USP42: variants seen among roughly 807,000 people sequenced by gnomAD.
USP42 encodes the protein ubiquitin specific peptidase 42.
A neutral mutation model predicts 113.0 loss-of-function variants in USP42; 23 were observed. The ratio of observed to expected loss-of-function variants is 0.20; its 90% CI spans 0.15 to 0.29. The LOEUF is 0.29. USP42 is among the 10% of genes least tolerant of loss of function. The probability of loss-of-function intolerance (pLI) is 1.00; values close to 1 mark genes in which losing one functional copy is unlikely to be tolerated. For synonymous variants in USP42, 933 were observed against 699.0 expected (o/e 1.33, Z -5.28); for missense variants, 2,174 against 1,779.8 (o/e 1.22, Z -3.99).
chr7:6,142,530 T>A (rs1281414013), intron 7 of USP42, among the ~76,000 whole-genome samples: 11 of 152,142 alleles, frequency 7.2e-5, no homozygotes, highest in African/African-American at 2.4e-4. Flanking sequence ...AATTTTCTTT[T>A]TACATAAAAA....
chr7:6,113,703 C>G (rs1003798195), intron 2 of USP42, among the ~76,000 whole-genome samples: 2 of 151,866 alleles, frequency 1.3e-5, no homozygotes, highest in African/African-American at 2.4e-5. Flanking sequence ...CTCACTGCAA[C>G]CTCCGCCTCC....
chr7:6,153,923 C>T lies in USP42; in HGVS notation c.2369C>T (p.Ala790Val), dbSNP rs566295240. The change falls in exon 15 of 18, where the codon GCC becomes GTC. Residue 790 changes from alanine (A) to valine (V), a missense_variant. Ala to Val is a moderately conservative substitution (Grantham distance 64). Transcript: ENST00000306177. ...GGCACCCCCGCTACCAAAGAAGGCG[C>T]CTGGGAGGCCATGGCCGTCGCCCCC... is the stretch of plus-strand genomic sequence containing the variant. Reference protein sequence around the residue: ...DPGTPATKEGAWEAMAVAPEE... With the variant: ...DPGTPATKEGVWEAMAVAPEE... 3.1e-6 allele frequency: 5 copies of T among 1,600,968 alleles called. No individual in the cohort carries two copies. Among genetic ancestry groups the T allele is most frequent in the Non-Finnish European group, 4.3e-6 (5 of 1,176,104 alleles).
intron 9 of USP42, among the ~76,000 whole-genome samples, chr7:6,144,922 TG>T (rs1781627346): frequency 6.6e-6 from 1 of 151,964 alleles, no homozygotes; most frequent in Non-Finnish European, 1.5e-5. Context: ...TGTCCTTTGA[TG>T]GGTTTGAAGA....
intron 2 of USP42, among the ~76,000 whole-genome samples, chr7:6,112,699 G>A (rs1416707872): frequency 6.6e-6 from 1 of 151,960 alleles, no homozygotes; most frequent in South Asian, 2.1e-4. Flanking sequence ...ACACAAATCC[G>A]TAAACTTTCT....
Position 6,159,058 on chromosome 7 carries a change from CCG to C in USP42, c.3944-390_3944-389del, listed in dbSNP as rs1782623459. Among the ~76,000 whole-genome samples the C allele has an allele frequency of 1.3e-5, 2 of 152,184 alleles. No individual in the cohort carries two copies. Among genetic ancestry groups the C allele is most frequent in the Non-Finnish European group, 2.9e-5 (2 of 68,030 alleles). On this transcript the variant is annotated intron_variant, in intron 16 of 17. Transcript: ENST00000306177. The surrounding 1 kb of genome is among the most constrained non-coding windows in gnomAD (Gnocchi z 4.1). Reference sequence around the variant, plus strand: ...AGCCTTTCTTGTCCTTCTGAGAAGGCCGCTGCCCGGCCCCGCCTCACCCAGCG... The same window carrying C: ...AGCCTTTCTTGTCCTTCTGAGAAGGCCTGCCCGGCCCCGCCTCACCCAGCG...
intron 1 of USP42, among the ~76,000 whole-genome samples, chr7:6,107,384 C>CG (rs1779347859): frequency 6.8e-6 from 1 of 147,936 alleles, no homozygotes; most frequent in African/African-American, 2.5e-5. Context: ...TCTTACAACT[C>CG]TATTTGGGCT....
chr7:6,152,044 CAT>C (rs1223355642), intron 14 of USP42, among the ~76,000 whole-genome samples: 1 of 152,104 alleles, frequency 6.6e-6, no homozygotes, highest in Non-Finnish European at 1.5e-5. Flanking sequence ...AAAAAAAAAT[CAT>C]GTCATGTTAG....
intron 3 of USP42, among the ~76,000 whole-genome samples, chr7:6,127,303 A>C (rs533066491): frequency 6.6e-6 from 1 of 152,146 alleles, no homozygotes; most frequent in Non-Finnish European, 1.5e-5. Context: ...GTGAAGTTCA[A>C]TTGGTCAGCC....
intron 14 of USP42, among the ~76,000 whole-genome samples, chr7:6,152,736 G>A (rs775777004): frequency 3.9e-5 from 6 of 152,198 alleles, no homozygotes; most frequent in Admixed American, 2.6e-4. Context: ...TATTAACCCC[G>A]AGGATATATC....
At chr7:6,149,024 C>T (rs1321726092) in intron 12 of USP42, among the ~76,000 whole-genome samples, 1 of 152,222 alleles carries the variant, frequency 6.6e-6, no homozygotes, top group Non-Finnish European at 1.5e-5. Flanking sequence ...GATCTGTTAA[C>T]TGACTTTCAC....
At chr7:6,108,259 C>T (rs977418028) in intron 1 of USP42, among the ~76,000 whole-genome samples, 54 of 152,138 alleles carry the variant, frequency 3.5e-4, no homozygotes, top group African/African-American at 1.3e-3. Context: ...CAAATTTGGC[C>T]AGGTTCTGTG....
At chr7:6,095,793 A>G in the USP42 span, among the ~76,000 whole-genome samples, 49 of 151,142 alleles carry the variant, frequency 3.2e-4, 2 homozygotes, top group African/African-American at 1.2e-3. Flanking sequence ...TTTTTGAGAC[A>G]GGGTCTCACT....
At chr7:6,137,178 A>G (rs1355183075) in intron 4 of USP42, among the ~76,000 whole-genome samples, 11 of 152,256 alleles carry the variant, frequency 7.2e-5, no homozygotes, top group Admixed American at 5.2e-4. Context: ...ATGTGTAATT[A>G]TACAGTAACA....
At chr7:6,156,497 T>A (rs1782451175) in intron 15 of USP42, among the ~76,000 whole-genome samples, 1 of 152,188 alleles carries the variant, frequency 6.6e-6, no homozygotes, top group African/African-American at 2.4e-5. Flanking sequence ...TTGCCCAGGC[T>A]GGAGTGCGGT....
At chr7:6,134,095 G>A (rs1781000793) in intron 3 of USP42, among the ~76,000 whole-genome samples, 1 of 151,922 alleles carries the variant, frequency 6.6e-6, no homozygotes, top group African/African-American at 2.4e-5. Flanking sequence ...GTTTCACTGT[G>A]TTAGCCAGGA....
At position 6,140,115 on chromosome 7, in the gene USP42, C is replaced by G; in HGVS notation, c.657-13C>G. ...AAAGCTCTTCTCTCATGTCACTGTT[C>G]AACGTTTTTCAGATTAGACAGACAC... On this transcript the variant is annotated splice_polypyrimidine_tract_variant and intron_variant, in intron 5 of 17. Transcript: ENST00000306177. The G allele has an allele frequency of 1.2e-6, 2 of 1,613,436 alleles. No homozygotes were observed. Among genetic ancestry groups the G allele is most frequent in the African/African-American group, 2.7e-5 (2 of 75,012 alleles).
rs1203216696 is a variant in USP42 at position 6,157,554 on chromosome 7, C to T, written c.3943+499C>T. ...CCGGGACTACAGGCGCCCGCCACCA[C>T]GCCCGGCTAAATTTTGTGTTTTTAG... is the stretch of plus-strand genomic sequence containing the variant. On this transcript the variant is annotated intron_variant, in intron 16 of 17. Coordinates refer to ENST00000306177, the MANE Select transcript of USP42 (RefSeq NM_032172.3). This position sits in a 1 kb window ranked among gnomAD's most constrained non-coding sequence, Gnocchi z 4.1. Among the ~76,000 whole-genome samples, 6 of 152,168 alleles carry T rather than the reference C, an allele frequency of 3.9e-5. No homozygotes were observed. The highest frequency in any genetic ancestry group is 7.3e-5 in the Non-Finnish European group (5 of 68,036).
intron 3 of USP42, among the ~76,000 whole-genome samples, chr7:6,128,833 G>A (rs115400744): frequency 0.02 from 2,582 of 127,274 alleles, 68 homozygotes; most frequent in African/African-American, 0.094. Context: ...TTTTTTGGGG[G>A]TGGGTCGTGG....
chr7:6,142,422 T>C (rs1562837334), intron 7 of USP42, among the ~76,000 whole-genome samples: 2 of 152,254 alleles, frequency 1.3e-5, no homozygotes, highest in South Asian at 4.1e-4. Context: ...TTTACCATGT[T>C]AGCCAGGATG....
Sources: gnomAD v4.1 joint callset for allele counts (sites outside exome capture counted in the v4.1 genomes callset) on GRCh38, gnomAD v4.1.1 for gene constraint, Gnocchi (gnomAD v3.1) non-coding constraint, MANE v1.5 for transcripts, NCBI Gene and HGNC (gene_info 2026-07-23, HGNC 2026-07-21) for gene names.